CNNM4: variants seen among roughly 807,000 people sequenced by gnomAD.
CNNM4 encodes the protein cyclin and CBS domain divalent metal cation transport mediator 4.
A neutral mutation model predicts 53.7 loss-of-function variants in CNNM4; 32 were observed. The ratio of observed to expected loss-of-function variants is 0.60; its 90% CI spans 0.45 to 0.80. The LOEUF is 0.80. Among genes scored for constraint, CNNM4 ranks in the 30% least tolerant of loss-of-function variants. The probability of loss-of-function intolerance (pLI) is 0.00; values close to 1 mark genes in which losing one functional copy is unlikely to be tolerated. For synonymous variants in CNNM4, 410 were observed against 440.0 expected (o/e 0.93, Z 0.85); for missense variants, 784 against 1,022.0 (o/e 0.77, Z 3.17).
chr2:96,776,779 AT>A (rs2078928712), intron 1 of CNNM4, among the ~76,000 whole-genome samples: 1 of 150,812 alleles, frequency 6.6e-6, no homozygotes, highest in African/African-American at 2.4e-5. Flanking sequence ...TACCAGGCTA[AT>A]TTTTTTGTAT....
Position 96,801,607 on chromosome 2 carries a change from G to C in CNNM4, c.1948+1959G>C, listed in dbSNP as rs1196207801. Reference sequence around the variant, plus strand: ...CACACAGAGAGACCACACACACAGAGACCACACACAGAGACCACACGCAGA... The same window carrying C: ...CACACAGAGAGACCACACACACAGACACCACACACAGAGACCACACGCAGA... On this transcript the variant is annotated intron_variant, in intron 5 of 6. Coordinates refer to ENST00000377075, the MANE Select transcript of CNNM4 (RefSeq NM_020184.4). This position sits in a 1 kb window ranked among gnomAD's most constrained non-coding sequence, Gnocchi z 5.6. Among the ~76,000 whole-genome samples, 20 of 133,546 alleles carry C rather than the reference G, an allele frequency of 1.5e-4. No individual in the cohort carries two copies. The highest frequency in any genetic ancestry group is 5.7e-4 in the African/African-American group (19 of 33,420). 87.6% of individuals were successfully genotyped at this position (133,546 alleles called of 152,430 possible). A position where few individuals can be genotyped will look rare whatever the true frequency, so the allele number is the denominator to read the frequency against.
At chr2:96,785,805 A>G (rs1050033639) in intron 1 of CNNM4, among the ~76,000 whole-genome samples, 1 of 151,870 alleles carries the variant, frequency 6.6e-6, no homozygotes, top group Non-Finnish European at 1.5e-5. Context: ...CCCTGTCTCT[A>G]AAAAAAGATA....
chr2:96,776,916 T>C (rs981564991), intron 1 of CNNM4, among the ~76,000 whole-genome samples: 1 of 149,216 alleles, frequency 6.7e-6, no homozygotes. Flanking sequence ...CCCCACCTCA[T>C]TGTGGTTTTA....
chr2:96,802,205 A>G (rs2079166245), intron 5 of CNNM4, among the ~76,000 whole-genome samples: 1 of 151,980 alleles, frequency 6.6e-6, no homozygotes, highest in South Asian at 2.1e-4. Context: ...ACACTGAAAC[A>G]CACATCCATA....
intron 1 of CNNM4, among the ~76,000 whole-genome samples, chr2:96,785,541 G>A (rs1159165447): frequency 6.6e-6 from 1 of 152,106 alleles, no homozygotes; most frequent in African/African-American, 2.4e-5. Context: ...TGAGGTGGGA[G>A]GATCAGTGGA....
In CNNM4 at chr2:96,797,545, A is replaced by G; in HGVS notation, c.1579A>G (p.Lys527Glu). ...CCGAAGCCGGAAGCGGGTGTCTGAG[A>G]AGAACAAGCGTGACTTCTCTGCCTT... ...DNRSRKRVSE[K>E]NKRDFSAFKD... The change falls in exon 3 of 7, where the codon AAG (lysine) becomes GAG (glutamate). Residue 527 changes from lysine (K) to glutamate (E), a missense_variant. Around this residue, in one of 3 missense-constraint regions of CNNM4, gnomAD observed 307 missense variants for 376.3 expected, o/e 0.82. Transcript: ENST00000377075. The surrounding 1 kb of genome is among the most constrained non-coding windows in gnomAD (Gnocchi z 6.0). The G allele has an allele frequency of 6.2e-7, 1 of 1,614,160 alleles. No individual in the cohort carries two copies. The highest frequency in any genetic ancestry group is 8.5e-7 in the Non-Finnish European group (1 of 1,179,978).
chr2:96,769,457 G>A (rs531194528), intron 1 of CNNM4, among the ~76,000 whole-genome samples: 294 of 150,736 alleles, frequency 2.0e-3, no homozygotes, highest in South Asian at 0.011. Context: ...CCCAGCTACT[G>A]CGGAGGCTGA....
chr2:96,779,209 C>T (rs1323691910), intron 1 of CNNM4, among the ~76,000 whole-genome samples: 1 of 152,168 alleles, frequency 6.6e-6, no homozygotes, highest in Non-Finnish European at 1.5e-5. Context: ...CCGCCCGCCT[C>T]GGCCTCCCAA....
At chr2:96,765,100 C>T (rs185202322) in intron 1 of CNNM4, among the ~76,000 whole-genome samples, 1 of 101,160 alleles carries the variant, frequency 9.9e-6, no homozygotes, top group Non-Finnish European at 1.8e-5. Flanking sequence ...GTTAGAACAG[C>T]TGGCATTGTT....
chr2:96,805,569 G>A (rs1473799899), intron 5 of CNNM4, among the ~76,000 whole-genome samples: 39 of 125,936 alleles, frequency 3.1e-4, no homozygotes, highest in Non-Finnish European at 5.9e-4. Context: ...AAGGTCTCTG[G>A]TTTTCCTAGG....
At chr2:96,792,007 A>C (rs2079066234) in intron 1 of CNNM4, among the ~76,000 whole-genome samples, 1 of 151,948 alleles carries the variant, frequency 6.6e-6, no homozygotes, top group African/African-American at 2.4e-5. Context: ...AAATCTCAGC[A>C]CTTTGGGAGG....
In CNNM4 at chr2:96,799,199, G is replaced by A. The variant is rs36121810; in HGVS notation, c.1824G>A (p.Pro608=). ...ATTACCTGTACACCCGAAATAAGCC[G>A]GCCGACTACTTCATCCTCATCCTGC... is the stretch of plus-strand genomic sequence containing the variant. ...ARHYLYTRNK[P]ADYFILILQG... Residue 608 remains proline, a synonymous_variant, in exon 4 of 7, where the codon CCG becomes CCA. Coordinates refer to ENST00000377075, the MANE Select transcript of CNNM4 (RefSeq NM_020184.4). The A allele has an allele frequency of 4.5e-3, 7,267 of 1,614,094 alleles. 300 individuals carry two copies. The African/African-American group carries it at 0.086, about 19-fold the overall frequency.
In CNNM4 at chr2:96,761,684, G is replaced by T; in HGVS notation, c.685G>T (p.Ala229Ser). 2 of 1,610,380 alleles carry T rather than the reference G, an allele frequency of 1.2e-6. No homozygotes were observed. Among genetic ancestry groups the T allele is most frequent in the South Asian group, 1.1e-5 (1 of 91,078 alleles). The change falls in exon 1 of 7, where the codon GCC (alanine) becomes TCC (serine). Residue 229 changes from alanine to serine, a missense_variant. Transcript: ENST00000377075. This position sits in a 1 kb window ranked among gnomAD's most constrained non-coding sequence, Gnocchi z 6.0. Reference sequence around the variant, plus strand: ...TGGCACCGAGAAGGAGAGGCGCTATGCCCGCAAGATTGAGCCCATCCGGCG... The same window carrying T: ...TGGCACCGAGAAGGAGAGGCGCTATTCCCGCAAGATTGAGCCCATCCGGCG... ...NCGTEKERRY[A>S]RKIEPIRRKG...
At chr2:96,789,074 G>A (rs902290337) in intron 1 of CNNM4, among the ~76,000 whole-genome samples, 5 of 152,160 alleles carry the variant, frequency 3.3e-5, no homozygotes, top group African/African-American at 1.2e-4. Context: ...TATCCAGCAG[G>A]GGTGTGGAGC....
intron 5 of CNNM4, among the ~76,000 whole-genome samples, chr2:96,806,183 A>G (rs891766696): frequency 1.3e-5 from 2 of 151,932 alleles, no homozygotes; most frequent in African/African-American, 2.4e-5. Flanking sequence ...GGGGGCTGAC[A>G]CCTTCTTTTC....
chr2:96,796,068 A>C (rs571128371), intron 1 of CNNM4, among the ~76,000 whole-genome samples: 2 of 139,566 alleles, frequency 1.4e-5, no homozygotes, highest in African/African-American at 2.6e-5. Context: ...TGCCCTTGTC[A>C]GTTTGGGTCT....
At chr2:96,771,495 A>G (rs973089931) in intron 1 of CNNM4, among the ~76,000 whole-genome samples, 1 of 152,126 alleles carries the variant, frequency 6.6e-6, no homozygotes, top group Non-Finnish European at 1.5e-5. Flanking sequence ...ACCTGAGGTC[A>G]GGAGTTCAAG....
chr2:96,776,140 C>T (rs1053155060), intron 1 of CNNM4, among the ~76,000 whole-genome samples: 16 of 151,396 alleles, frequency 1.1e-4, no homozygotes, highest in African/African-American at 3.4e-4. Context: ...GTGATTCCTC[C>T]GCCTCAGCCT....
intron 1 of CNNM4, among the ~76,000 whole-genome samples, chr2:96,790,298 AC>A (rs1056436877): frequency 6.7e-6 from 1 of 148,704 alleles, no homozygotes; most frequent in African/African-American, 2.5e-5. Context: ...GAGCCACCGC[AC>A]CCGGCCTAGA....
Sources: allele counts gnomAD v4.1 joint callset (sites outside exome capture counted in the v4.1 genomes callset), GRCh38; gene constraint gnomAD v4.1.1; regional missense constraint gnomAD v4.1.1; non-coding constraint Gnocchi (gnomAD v3.1); transcripts MANE v1.5; gene names NCBI Gene and HGNC (gene_info 2026-07-23, HGNC 2026-07-21).